The following EDEM3 variants were observed in gnomAD, a reference collection of about 807,000 sequenced individuals.
EDEM3 encodes the protein ER degradation-enhancing alpha-mannosidase-like protein 3.
A neutral mutation model predicts 110.2 loss-of-function variants in EDEM3; 60 were observed. The observed-to-expected ratio is 0.54, with a 90% CI of 0.44 to 0.67. The LOEUF is 0.67. Ranked by LOEUF, EDEM3 falls within the 30% of genes least tolerant of loss-of-function variation. The probability of loss-of-function intolerance (pLI) is 0.00; values close to 1 mark genes in which losing one functional copy is unlikely to be tolerated. For synonymous variants in EDEM3, 352 were observed against 382.9 expected, an observed-to-expected ratio of 0.92 and a Z score of 0.94; for missense variants, 996 against 1,121.0, an observed-to-expected ratio of 0.89 and a Z score of 1.59.
At chr1:184,732,798 G>GA in intron 6 of EDEM3, 39 bp downstream of exon 6, 1 of 1,568,876 alleles carries the variant, frequency 6.4e-7, no homozygotes. Flanking sequence ...AAACAGCAAA[G>GA]AAAGTATATA....
chr1:184,737,595 C>CTG lies in EDEM3; in HGVS notation c.305+14_305+15dup. The CTG allele has an allele frequency of 1.9e-6, 3 of 1,611,762 alleles. No individual in the cohort carries two copies. The highest frequency in any genetic ancestry group is 2.5e-6 in the Non-Finnish European group (3 of 1,177,994). ...GAACTCTGAGATGCCATGCCATGCCCTGTGTTAATACTCACTTTCCCAAGG... is the reference window on the plus strand; with the variant it reads ...GAACTCTGAGATGCCATGCCATGCCCTGTGTGTTAATACTCACTTTCCCAAGG... On this transcript the variant is annotated intron_variant, in intron 3 of 19. Transcript: ENST00000318130.
intron 19 of EDEM3, among the ~76,000 whole-genome samples, chr1:184,694,698 T>C (rs367941937): frequency 6.6e-6 from 1 of 152,052 alleles, no homozygotes; most frequent in Non-Finnish European, 1.5e-5. Flanking sequence ...ATAAACGTTC[T>C]TCCAAATTGG....
rs760071452 is a variant in EDEM3 at position 184,711,795 on chromosome 1, A to G, written c.1619T>C (p.Leu540Ser). 3.7e-6 allele frequency: 6 copies of G among 1,613,506 alleles called. No individual in the cohort carries two copies. In the East Asian group the frequency reaches 1.3e-4, roughly 36 times the overall value. Residue 540 changes from leucine (L) to serine (S), a missense_variant, in exon 15 of 20, where the codon TTG becomes TCG. Physicochemically the swap from Leu to Ser is moderately radical, Grantham distance 145 (BLOSUM62 -2). Transcript: ENST00000318130. ...GGGCTCACGAATACTTTGAGCATAC[A>G]ATGGGTCATTAGGAAAGAGGATCTG... ...NTQILFPNDP[L>S]YAQSIREPLK...
At chr1:184,743,934 C>T (rs543463611) in intron 2 of EDEM3, among the ~76,000 whole-genome samples, 1 of 151,116 alleles carries the variant, frequency 6.6e-6, no homozygotes, top group South Asian at 2.1e-4. Context: ...CAAAAATTAA[C>T]TCAAAATCAG....
Position 184,702,987 on chromosome 1 carries a change from T to C in EDEM3, c.2213A>G (p.Glu738Gly). The C allele has an allele frequency of 6.3e-7, 1 of 1,598,488 alleles. No individual in the cohort carries two copies. Among genetic ancestry groups the C allele is most frequent in the Admixed American group, 1.8e-5 (1 of 56,866 alleles). Residue 738 changes from glutamate (E) to glycine (G), a missense_variant, in exon 19 of 20, where the codon GAG (glutamate) becomes GGG (glycine). Glu to Gly is a moderately conservative substitution (Grantham distance 98). Coordinates refer to ENST00000318130, the MANE Select transcript of EDEM3 (RefSeq NM_025191.4). ...AGGGGCAGTATCACTGCTGCTCCCC[T>C]CATTGTCATCTAGCCAGAAAATAAA... Reference protein sequence around the residue: ...AIGGIVIDDNEGSSSDTAPLF... With the variant: ...AIGGIVIDDNGGSSSDTAPLF...
chr1:184,699,080 GGA>G (rs1649476655), intron 19 of EDEM3, among the ~76,000 whole-genome samples: 1 of 151,740 alleles, frequency 6.6e-6, no homozygotes, highest in African/African-American at 2.4e-5. Flanking sequence ...CAGAAAGAAT[GGA>G]GAAAATCTCA....
intron 18 of EDEM3, among the ~76,000 whole-genome samples, chr1:184,706,072 C>T (rs979417196): frequency 6.6e-6 from 1 of 152,042 alleles, no homozygotes; most frequent in African/African-American, 2.4e-5. Context: ...TATCTTTAAA[C>T]CTTACAATCA....
intron 7 of EDEM3, among the ~76,000 whole-genome samples, chr1:184,725,504 T>C (rs770561267): frequency 2.0e-5 from 3 of 152,018 alleles, no homozygotes; most frequent in Non-Finnish European, 4.4e-5. Flanking sequence ...TTGAGACATT[T>C]GAACATACAG....
intron 5 of EDEM3, 133 bp from the exon 6 acceptor site, chr1:184,733,123 C>T (rs1651619399): frequency 1.2e-6 from 1 of 813,588 alleles, no homozygotes; most frequent in African/African-American, 1.7e-5. Flanking sequence ...ACATTATTTA[C>T]TTAACACTGC....
At chr1:184,698,763 G>A in intron 19 of EDEM3, among the ~76,000 whole-genome samples, 1 of 151,528 alleles carries the variant, frequency 6.6e-6, no homozygotes, top group East Asian at 1.9e-4. Flanking sequence ...AAATTTAAAT[G>A]TAGAGAAGCA....
At chr1:184,726,688 C>T (rs756006281) in intron 6 of EDEM3, among the ~76,000 whole-genome samples, 1 of 152,226 alleles carries the variant, frequency 6.6e-6, no homozygotes. Context: ...AGGGAAATTA[C>T]ACAGAGAAGG....
intron 2 of EDEM3, 94 bp from the exon 3 acceptor site, chr1:184,737,805 A>G (rs1651919655): frequency 9.3e-7 from 1 of 1,079,374 alleles, no homozygotes; most frequent in Admixed American, 2.3e-5. Context: ...AAAATAAAAT[A>G]ATAGTCAAAA....
intron 2 of EDEM3, among the ~76,000 whole-genome samples, chr1:184,748,201 C>A (rs1652542143): frequency 6.6e-6 from 1 of 152,074 alleles, no homozygotes; most frequent in Non-Finnish European, 1.5e-5. Context: ...AATCCCAACA[C>A]TTTGGGAGGC....
intron 13 of EDEM3, among the ~76,000 whole-genome samples, chr1:184,715,312 T>C (rs1044706103): frequency 3.3e-5 from 5 of 152,242 alleles, no homozygotes; most frequent in Admixed American, 6.5e-5. Context: ...CTTTGAAAAA[T>C]AGAATTCTGA....
chr1:184,750,518 C>CTTTTCTTTT (rs1553276313), intron 1 of EDEM3, among the ~76,000 whole-genome samples: 1 of 146,388 alleles, frequency 6.8e-6, no homozygotes, highest in Non-Finnish European at 1.5e-5. Context: ...TTAACTTTTT[C>CTTTTCTTTT]TTTTTTTTTT....
chr1:184,753,751 C>T (rs1186493187), intron 1 of EDEM3, among the ~76,000 whole-genome samples: 3 of 152,184 alleles, frequency 2.0e-5, no homozygotes, highest in Non-Finnish European at 2.9e-5. Context: ...TTACCACTTC[C>T]ATTTCCTCTT....
intron 2 of EDEM3, 83 bp downstream of exon 2, chr1:184,749,464 T>C (rs892956033): frequency 7.5e-6 from 8 of 1,062,044 alleles, no homozygotes; most frequent in East Asian, 5.2e-5. Context: ...AATTGTATTG[T>C]AGGTTTCAAA....
chr1:184,740,833 C>T (rs888589364), intron 2 of EDEM3, among the ~76,000 whole-genome samples: 174 of 152,204 alleles, frequency 1.1e-3, no homozygotes, highest in African/African-American at 4.1e-3. Context: ...TATTGACACA[C>T]ATTAAGAAAG....
intron 19 of EDEM3, among the ~76,000 whole-genome samples, chr1:184,699,169 T>C (rs1649481244): frequency 6.6e-6 from 1 of 151,862 alleles, no homozygotes; most frequent in Non-Finnish European, 1.5e-5. Context: ...AGAGATTGGA[T>C]GTTTTAGAAC....
Sources: gnomAD v4.1 joint callset for allele counts (sites outside exome capture counted in the v4.1 genomes callset) on GRCh38, gnomAD v4.1.1 for gene constraint, MANE v1.5 for transcripts, NCBI Gene and HGNC (gene_info 2026-07-23, HGNC 2026-07-21) for gene names.